The following EHBP1 variants were observed in gnomAD, a reference collection of about 807,000 sequenced individuals.
EHBP1 encodes the protein EH domain-binding protein 1.
Under a neutral mutation model 144.0 loss-of-function variants are expected in EHBP1, and 55 were observed. The observed-to-expected ratio is 0.38, with a 90% CI of 0.31 to 0.48. The LOEUF (loss-of-function observed/expected upper bound fraction) is 0.48, where lower values mean the gene tolerates loss of function less well. Ranked by LOEUF, EHBP1 falls within the 20% of genes least tolerant of loss-of-function variation. The pLI is 0.98. For synonymous variants in EHBP1, 469 were observed against 472.7 expected (o/e 0.99, Z 0.10); for missense variants, 1,200 against 1,364.2 (o/e 0.88, Z 1.90).
chr2:62,988,328 C>T lies in EHBP1; in HGVS notation c.2609-2388C>T, dbSNP rs116407550. ...GAGATAATCTGTAGGTTTTCAATAGCTGGTTCCCTTCTCAGCTTAAATATT... is the reference window on the plus strand; with the variant it reads ...GAGATAATCTGTAGGTTTTCAATAGTTGGTTCCCTTCTCAGCTTAAATATT... On this transcript the variant is annotated intron_variant, in intron 15 of 22. Coordinates refer to ENST00000431489, the MANE Select transcript of EHBP1 (RefSeq NM_001142616.3). Among the ~76,000 whole-genome samples, 542 of 152,162 alleles carry T rather than the reference C, an allele frequency of 3.6e-3. 4 individuals carry two copies. The highest frequency in any genetic ancestry group is 0.012 in the African/African-American group (507 of 41,544).
chr2:62,753,608 G>C (rs988068678), intron 3 of EHBP1, among the ~76,000 whole-genome samples: 5 of 152,112 alleles, frequency 3.3e-5, no homozygotes, highest in Admixed American at 2.6e-4. Flanking sequence ...TTCCAACTTG[G>C]TTCCATTCTC....
chr2:63,001,803 C>G (rs1036369288), intron 19 of EHBP1, among the ~76,000 whole-genome samples: 1 of 152,158 alleles, frequency 6.6e-6, no homozygotes, highest in African/African-American at 2.4e-5. Flanking sequence ...CAGATACCAC[C>G]TGACATGATC....
At chr2:62,835,584 G>A (rs1359932034) in intron 7 of EHBP1, among the ~76,000 whole-genome samples, 1 of 152,184 alleles carries the variant, frequency 6.6e-6, no homozygotes, top group Non-Finnish European at 1.5e-5. Flanking sequence ...GAGGTACTGG[G>A]TGCATCTCAC....
At chr2:62,849,046 T>C (rs1021994102) in intron 7 of EHBP1, among the ~76,000 whole-genome samples, 1 of 152,204 alleles carries the variant, frequency 6.6e-6, no homozygotes, top group African/African-American at 2.4e-5. Flanking sequence ...AATGAATTAA[T>C]ACCTCCCAAT....
At chr2:62,706,712 T>C in intron 1 of EHBP1, 185 bp from the exon 2 acceptor site, 1 of 155,966 alleles carries the variant, frequency 6.4e-6, no homozygotes. Context: ...AATTGTAATT[T>C]CTTCCTTGGT....
At chr2:62,960,509 C>G (rs1042060028) in intron 14 of EHBP1, among the ~76,000 whole-genome samples, 1 of 152,248 alleles carries the variant, frequency 6.6e-6, no homozygotes, top group Non-Finnish European at 1.5e-5. Flanking sequence ...ATGCATTCAT[C>G]CCAATATAAT....
chr2:62,898,837 T>C (rs1326794895), intron 10 of EHBP1, among the ~76,000 whole-genome samples: 3 of 152,156 alleles, frequency 2.0e-5, no homozygotes, highest in Non-Finnish European at 4.4e-5. Flanking sequence ...CGGCCTTTAA[T>C]AGAGAAAGAG....
intron 5 of EHBP1, among the ~76,000 whole-genome samples, chr2:62,777,079 A>G (rs2042099799): frequency 6.6e-6 from 1 of 152,170 alleles, no homozygotes; most frequent in African/African-American, 2.4e-5. Flanking sequence ...GGCTCAAGCG[A>G]TCGTCCTGCC....
chr2:62,683,948 A>G (rs956246179), intron 1 of EHBP1, among the ~76,000 whole-genome samples: 12 of 152,190 alleles, frequency 7.9e-5, no homozygotes, highest in Admixed American at 7.9e-4. Flanking sequence ...ATATCAAGCA[A>G]TTCTGGGGTC....
rs774852352 is a variant in EHBP1 at position 62,831,120 on chromosome 2, A to G, written c.596A>G (p.Asn199Ser). ...GAAGATAATGAAGATGATGATGAGA[A>G]CAGAGTGAACCAAGAAGAAAAGGCA... is the stretch of plus-strand genomic sequence containing the variant. ...FEEDNEDDDENRVNQEEKAAK... is the reference protein window; with the variant it reads ...FEEDNEDDDESRVNQEEKAAK... Residue 199 changes from asparagine to serine, a missense_variant, in exon 7 of 23, where the codon AAC becomes AGC. Around this residue, in one of 6 missense-constraint regions of EHBP1, gnomAD observed 266 missense variants for 262.4 expected, o/e 1.01. Transcript: ENST00000431489. 2 of 1,605,974 alleles carry G rather than the reference A, an allele frequency of 1.2e-6. No individual in the cohort carries two copies. Among genetic ancestry groups the G allele is most frequent in the Admixed American group, 3.5e-5 (2 of 57,680 alleles).
intron 14 of EHBP1, among the ~76,000 whole-genome samples, chr2:62,974,993 C>T (rs1400683463): frequency 2.0e-5 from 3 of 152,134 alleles, no homozygotes; most frequent in Admixed American, 1.3e-4. Context: ...GCACAGTGGG[C>T]ATGCTTTGTC....
At chr2:62,857,732 T>C (rs1388491543) in intron 7 of EHBP1, among the ~76,000 whole-genome samples, 1 of 152,182 alleles carries the variant, frequency 6.6e-6, no homozygotes, top group African/African-American at 2.4e-5. Flanking sequence ...GTTCAAAATA[T>C]AGATGACTCA....
At chr2:62,699,230 AT>A (rs1176895805) in intron 1 of EHBP1, among the ~76,000 whole-genome samples, 3 of 152,004 alleles carry the variant, frequency 2.0e-5, no homozygotes, top group African/African-American at 7.3e-5. Context: ...GGTTACCTGG[AT>A]TTTTTTTCCA....
intron 5 of EHBP1, among the ~76,000 whole-genome samples, chr2:62,786,030 A>G (rs1183647095): frequency 6.6e-6 from 1 of 152,178 alleles, no homozygotes; most frequent in Non-Finnish European, 1.5e-5. Context: ...TAACCAACTA[A>G]ACATTGTTAT....
chr2:62,833,116 A>G (rs909386872), intron 7 of EHBP1, among the ~76,000 whole-genome samples: 1 of 152,082 alleles, frequency 6.6e-6, no homozygotes, highest in African/African-American at 2.4e-5. Flanking sequence ...AGAATATCAA[A>G]CCAGCCATAG....
chr2:62,826,925 CA>C lies in EHBP1; in HGVS notation c.494+658del, dbSNP rs372231633. ...CCCTGGTTATTGCATACAATCAAGTCAGGGGTAAGTGAATGTTACGGGTGTT... is the reference window on the plus strand; with the variant it reads ...CCCTGGTTATTGCATACAATCAAGTCGGGGTAAGTGAATGTTACGGGTGTT... On this transcript the variant is annotated intron_variant, in intron 6 of 22. Coordinates refer to ENST00000431489, the MANE Select transcript of EHBP1 (RefSeq NM_001142616.3). Among the ~76,000 whole-genome samples, 78 of 152,220 alleles carry C rather than the reference CA, an allele frequency of 5.1e-4. 1 individual carries two copies. Among genetic ancestry groups the C allele is most frequent in the African/African-American group, 1.7e-3 (70 of 41,544 alleles).
At chr2:62,924,160 G>A (rs541445826) in intron 10 of EHBP1, among the ~76,000 whole-genome samples, 2 of 152,256 alleles carry the variant, frequency 1.3e-5, no homozygotes, top group East Asian at 3.9e-4. Flanking sequence ...GCAACCCCTG[G>A]TGGGCATACC....
chr2:62,988,784 G>A (rs1281102636), intron 15 of EHBP1, among the ~76,000 whole-genome samples: 2 of 152,056 alleles, frequency 1.3e-5, no homozygotes, highest in Non-Finnish European at 1.5e-5. Context: ...AAAGTCTTTG[G>A]TGATTTCTTT....
intron 16 of EHBP1, among the ~76,000 whole-genome samples, chr2:62,991,280 T>G (rs1170356415): frequency 1.2e-4 from 18 of 151,862 alleles, no homozygotes; most frequent in Non-Finnish European, 1.6e-4. Context: ...TTAAAAAAAT[T>G]GTATTAAATA....
Sources: gnomAD v4.1 joint callset for allele counts (sites outside exome capture counted in the v4.1 genomes callset) on GRCh38, gnomAD v4.1.1 for gene constraint, gnomAD v4.1.1 regional missense constraint, MANE v1.5 for transcripts, NCBI Gene and HGNC (gene_info 2026-07-23, HGNC 2026-07-21) for gene names.